Variants in GRK5 observed in about 807,000 individuals in gnomAD.
GRK5 encodes the protein g protein-coupled receptor kinase GRK5.
In GRK5, 40 loss-of-function variants were observed where a neutral mutation model predicts 78.4. That is an observed-to-expected ratio of 0.51 (90% CI 0.40 to 0.66). The LOEUF (loss-of-function observed/expected upper bound fraction) is 0.66. Among genes scored for constraint, GRK5 ranks in the 30% least tolerant of loss-of-function variants. The probability of loss-of-function intolerance (pLI) is 0.00; values close to 1 mark genes in which losing one functional copy is unlikely to be tolerated. For missense variants in GRK5, 598 were observed against 759.9 expected (o/e 0.79, Z 2.50); for synonymous variants, 289 against 296.8 (o/e 0.97, Z 0.27).
chr10:119,294,265 A>G (rs991168130), intron 1 of GRK5, among the ~76,000 whole-genome samples: 1 of 152,134 alleles, frequency 6.6e-6, no homozygotes, highest in East Asian at 1.9e-4. Context: ...TGAGACTATA[A>G]CCACTTTTAA....
At chr10:119,396,636 T>C (rs1007605630) in intron 3 of GRK5, 59 bp from the exon 4 acceptor site, 41 of 1,389,652 alleles carry the variant, frequency 3.0e-5, no homozygotes, top group Non-Finnish European at 4.1e-5. Context: ...TGAGGTTCTG[T>C]AACTATAAGA....
Position 119,436,849 on chromosome 10 carries a change from G to A in GRK5, c.929+8G>A. On this transcript the variant is annotated splice_region_variant and intron_variant, in intron 9 of 15. Coordinates refer to ENST00000392870, the MANE Select transcript of GRK5 (RefSeq NM_005308.3). ...TGAGAACACCGTCTACCGGTGAGTG[G>A]AAGGCACCAAGGACTTCCAAGTCTA... 4 of 1,584,840 alleles carry A rather than the reference G, an allele frequency of 2.5e-6. No homozygotes were observed. The highest frequency in any genetic ancestry group is 3.4e-6 in the Non-Finnish European group (4 of 1,162,386).
At position 119,452,888 on chromosome 10, in the gene GRK5, T is replaced by C; in HGVS notation, c.1542+80T>C. On this transcript the variant is annotated intron_variant, in intron 14 of 15. Transcript: ENST00000392870. This position sits in a 1 kb window ranked among gnomAD's most constrained non-coding sequence, Gnocchi z 4.4. ...TGGAAGGAGGCGTCGGGAATATGAGTTTGGCGGCAGGAGGCTGAGCGCATG... is the reference window on the plus strand; with the variant it reads ...TGGAAGGAGGCGTCGGGAATATGAGCTTGGCGGCAGGAGGCTGAGCGCATG... 6.8e-7 allele frequency: 1 copy of C among 1,477,834 alleles called. No individual in the cohort carries two copies. Among genetic ancestry groups the C allele is most frequent in the African/African-American group, 1.4e-5 (1 of 72,930 alleles). The allele number at this position is 1,477,834 out of a possible 1,614,324, so 91.5% of individuals were successfully genotyped here. A position where few individuals can be genotyped will look rare whatever the true frequency, so the allele number is the denominator to read the frequency against.
At chr10:119,442,190 T>G in intron 11 of GRK5, 102 bp downstream of exon 11, 2 of 879,310 alleles carry the variant, frequency 2.3e-6, no homozygotes, top group South Asian at 2.8e-5. Context: ...CGCCTCTTCA[T>G]GCACTGCTGA....
Position 119,342,708 on chromosome 10 carries a change from T to C in GRK5, c.148+16097T>C, listed in dbSNP as rs1033663803. ...CATTCATTTATCTGTTAAGCCCCTCTTCCTTCTTCCAGGCCAGGGAGCCAG... is the reference window on the plus strand; with the variant it reads ...CATTCATTTATCTGTTAAGCCCCTCCTCCTTCTTCCAGGCCAGGGAGCCAG... On this transcript the variant is annotated intron_variant, in intron 2 of 15. Coordinates refer to ENST00000392870, the MANE Select transcript of GRK5 (RefSeq NM_005308.3). Among the ~76,000 whole-genome samples, 15 of 152,202 alleles carry C rather than the reference T, an allele frequency of 9.9e-5. 1 individual carries two copies. The highest frequency in any genetic ancestry group is 4.1e-4 in the South Asian group (2 of 4,832).
chr10:119,291,426 G>A (rs1849952149), intron 1 of GRK5, among the ~76,000 whole-genome samples: 1 of 152,128 alleles, frequency 6.6e-6, no homozygotes, highest in Non-Finnish European at 1.5e-5. Flanking sequence ...CTGGAGCTGG[G>A]TGTGATGGTG....
chr10:119,292,745 T>C (rs1850006008), intron 1 of GRK5, among the ~76,000 whole-genome samples: 1 of 152,220 alleles, frequency 6.6e-6, no homozygotes, highest in Admixed American at 6.5e-5. Flanking sequence ...ATATTTTAAC[T>C]CATCTCTAGA....
Position 119,443,693 on chromosome 10 carries a change from G to A in GRK5, c.1207G>A (p.Glu403Lys), listed in dbSNP as rs1853085356. 6.2e-7 allele frequency: 1 copy of A among 1,613,266 alleles called. No homozygotes were observed. Among genetic ancestry groups the A allele is most frequent in the Non-Finnish European group, 8.5e-7 (1 of 1,179,608 alleles). Residue 403 changes from glutamate to lysine, a missense_variant, in exon 12 of 16, where the codon GAG becomes AAG. Coordinates refer to ENST00000392870, the MANE Select transcript of GRK5 (RefSeq NM_005308.3). Reference protein sequence around the residue: ...KREEVDRRVLETEEVYSHKFS... With the variant: ...KREEVDRRVLKTEEVYSHKFS... ...GGAGGAGGTGGACCGCCGGGTCCTG[G>A]AGACGGAGGAGGTGTACTCCCACAA...
chr10:119,447,929 A>G (rs1297884627), intron 12 of GRK5, among the ~76,000 whole-genome samples, 194 bp from the exon 13 acceptor site: 3 of 152,216 alleles, frequency 2.0e-5, no homozygotes, highest in Non-Finnish European at 2.9e-5. Context: ...CTGTCCCATC[A>G]GGCATCTAGC....
chr10:119,221,682 G>GT (rs375218125), intron 1 of GRK5, among the ~76,000 whole-genome samples: 2 of 152,050 alleles, frequency 1.3e-5, no homozygotes, highest in African/African-American at 4.8e-5. Context: ...AAAGACTTCT[G>GT]TTTTTTTCCT....
chr10:119,416,262 A>G (rs1852449438), intron 4 of GRK5, among the ~76,000 whole-genome samples: 1 of 152,254 alleles, frequency 6.6e-6, no homozygotes, highest in African/African-American at 2.4e-5. Flanking sequence ...CACGTCAGTC[A>G]TTCATGGTGC....
At chr10:119,231,542 C>T (rs1472603929) in intron 1 of GRK5, among the ~76,000 whole-genome samples, 1 of 151,318 alleles carries the variant, frequency 6.6e-6, no homozygotes, top group East Asian at 1.9e-4. Context: ...CTTGTCTCTA[C>T]TAAAAATAAA....
intron 1 of GRK5, among the ~76,000 whole-genome samples, chr10:119,300,627 G>A (rs947523407): frequency 7.9e-5 from 12 of 152,342 alleles, no homozygotes; most frequent in African/African-American, 2.4e-4. Flanking sequence ...CTAATCACAG[G>A]CGGAACTAGG....
intron 1 of GRK5, among the ~76,000 whole-genome samples, chr10:119,322,883 G>A (rs1850610369): frequency 1.3e-5 from 2 of 152,210 alleles, no homozygotes; most frequent in Non-Finnish European, 1.5e-5. Context: ...ATACGTAATA[G>A]CTAAAAGGTA....
At chr10:119,442,438 A>T (rs1408908199) in intron 11 of GRK5, among the ~76,000 whole-genome samples, 2 of 152,174 alleles carry the variant, frequency 1.3e-5, no homozygotes, top group African/African-American at 4.8e-5. Context: ...GAGAGGAAGG[A>T]GGTAATTCAC....
intron 1 of GRK5, among the ~76,000 whole-genome samples, chr10:119,213,839 T>G (rs1848527026): frequency 6.6e-6 from 1 of 152,220 alleles, no homozygotes; most frequent in African/African-American, 2.4e-5. Flanking sequence ...AGAGTAAAAT[T>G]TATTTGTTCA....
At chr10:119,333,692 T>C (rs1164239742) in intron 2 of GRK5, 2 of 497,606 alleles carry the variant, frequency 4.0e-6, no homozygotes, top group African/African-American at 1.9e-5. Flanking sequence ...CTCTTGTATC[T>C]TGTAAGTGTG....
At chr10:119,437,885 G>A (rs985923655) in intron 9 of GRK5, among the ~76,000 whole-genome samples, 1 of 152,208 alleles carries the variant, frequency 6.6e-6, no homozygotes. Flanking sequence ...ATCACCTGAG[G>A]TCAGTGGTTT....
intron 3 of GRK5, among the ~76,000 whole-genome samples, chr10:119,393,317 C>T (rs1851917470): frequency 6.6e-6 from 1 of 152,224 alleles, no homozygotes; most frequent in Admixed American, 6.5e-5. Flanking sequence ...GACCTGCGTG[C>T]CCATCCACCG....
Sources: gnomAD v4.1 joint callset for allele counts (sites outside exome capture counted in the v4.1 genomes callset) on GRCh38, gnomAD v4.1.1 for gene constraint, Gnocchi (gnomAD v3.1) non-coding constraint, MANE v1.5 for transcripts, NCBI Gene and HGNC (gene_info 2026-07-23, HGNC 2026-07-21) for gene names.